Variants in GPHN observed in about 807,000 individuals in gnomAD.
GPHN encodes gephyrin.
In GPHN, 17 loss-of-function variants were observed where a neutral mutation model predicts 95.5. That is an observed-to-expected ratio of 0.18 (90% CI 0.12 to 0.27). The LOEUF is 0.27. GPHN is among the 10% of genes least tolerant of loss of function. The pLI is 1.00. For synonymous variants in GPHN, 320 were observed against 322.5 expected, an observed-to-expected ratio of 0.99 and a Z score of 0.08; for missense variants, 660 against 978.1, an observed-to-expected ratio of 0.67 and a Z score of 4.34.
At chr14:67,605,881 C>T in the GPHN span, among the ~76,000 whole-genome samples, 4 of 151,964 alleles carry the variant, frequency 2.6e-5, no homozygotes, top group African/African-American at 9.7e-5. Flanking sequence ...CGAGGTTTTA[C>T]CATGTTGCCC....
At chr14:67,160,332 AT>A (rs902738606) in intron 19 of GPHN, among the ~76,000 whole-genome samples, 5 of 149,872 alleles carry the variant, frequency 3.3e-5, no homozygotes, top group African/African-American at 9.8e-5. Flanking sequence ...TTCAGGTTTA[AT>A]TTTTTTTTTC....
intron 21 of GPHN, among the ~76,000 whole-genome samples, chr14:67,171,122 G>A (rs560822802): frequency 6.6e-6 from 1 of 152,176 alleles, no homozygotes; most frequent in East Asian, 1.9e-4. Context: ...GCTCAGGCAG[G>A]AGGATTGCAT....
the GPHN span, among the ~76,000 whole-genome samples, chr14:67,190,958 G>A: frequency 2.0e-5 from 3 of 152,226 alleles, no homozygotes; most frequent in South Asian, 6.2e-4. Flanking sequence ...ATGTAGCCAG[G>A]TGCAGTGGCT....
the GPHN span, among the ~76,000 whole-genome samples, chr14:67,524,815 A>G: frequency 1.3e-5 from 2 of 152,132 alleles, no homozygotes; most frequent in African/African-American, 4.8e-5. Flanking sequence ...ATATCAAAAG[A>G]TGTGAGGCCC....
intron 2 of GPHN, among the ~76,000 whole-genome samples, chr14:66,712,270 A>C (rs2153422783): frequency 6.6e-6 from 1 of 152,268 alleles, no homozygotes; most frequent in East Asian, 1.9e-4. Context: ...CTGACTTTTT[A>C]ATGATCGCCA....
chr14:67,345,782 G>C, the GPHN span: 4 of 1,613,152 alleles, frequency 2.5e-6, no homozygotes, highest in Non-Finnish European at 3.4e-6. Context: ...AGAGAAGCTA[G>C]TTCCACCAGT....
At chr14:67,246,854 G>T in the GPHN span, among the ~76,000 whole-genome samples, 1 of 152,022 alleles carries the variant, frequency 6.6e-6, no homozygotes, top group African/African-American at 2.4e-5. Context: ...GTTTCACCGT[G>T]TTGGCCAGGA....
chr14:66,957,656 G>C (rs2068618183), intron 8 of GPHN, among the ~76,000 whole-genome samples: 1 of 152,044 alleles, frequency 6.6e-6, no homozygotes, highest in Non-Finnish European at 1.5e-5. Flanking sequence ...TATTCTGCTG[G>C]TATCAGATAC....
At chr14:67,143,787 T>G (rs552214217) in intron 18 of GPHN, among the ~76,000 whole-genome samples, 1 of 152,182 alleles carries the variant, frequency 6.6e-6, no homozygotes, top group Non-Finnish European at 1.5e-5. Context: ...GATCCTTCCT[T>G]CTACTCAAAT....
the GPHN span, chr14:67,392,763 C>G: frequency 1.2e-6 from 2 of 1,614,052 alleles, no homozygotes; most frequent in Non-Finnish European, 1.7e-6. Context: ...AGGAAGTTCT[C>G]CTCCATGAGC....
intron 8 of GPHN, among the ~76,000 whole-genome samples, chr14:66,958,097 A>G (rs1040914212): frequency 1.2e-4 from 18 of 152,168 alleles, no homozygotes; most frequent in African/African-American, 3.9e-4. Context: ...ACTATTATTA[A>G]AAGTGGAATA....
chr14:66,898,837 C>G (rs1376567527), intron 5 of GPHN, among the ~76,000 whole-genome samples: 2 of 151,884 alleles, frequency 1.3e-5, no homozygotes, highest in Non-Finnish European at 2.9e-5. Flanking sequence ...GACATCTTTT[C>G]CATGTTGAGC....
In GPHN at chr14:67,122,322, G is replaced by A; in HGVS notation, c.1693G>A (p.Ala565Thr). 1 of 1,613,038 alleles carries A rather than the reference G, an allele frequency of 6.2e-7. No individual in the cohort carries two copies. Among genetic ancestry groups the A allele is most frequent in the South Asian group, 1.1e-5 (1 of 91,040 alleles). Residue 565 changes from alanine (A) to threonine (T), a missense_variant, in exon 17 of 23, where the codon GCA becomes ACA. Transcript: ENST00000478722. Reference protein sequence around the residue: ...IRDSNRSTLLATIQEHGYPTI... With the variant: ...IRDSNRSTLLTTIQEHGYPTI... ...AGACAGCAATCGTTCAACTCTTCTA[G>A]CAACAATTCAGGAACATGGTTACCC...
chr14:66,816,330 G>C (rs929855407), intron 3 of GPHN, among the ~76,000 whole-genome samples: 2 of 152,018 alleles, frequency 1.3e-5, no homozygotes, highest in African/African-American at 2.4e-5. Flanking sequence ...AACTCTCCAC[G>C]TAAAAACAAC....
At chr14:67,671,558 G>T in the GPHN span, among the ~76,000 whole-genome samples, 1 of 152,182 alleles carries the variant, frequency 6.6e-6, no homozygotes, top group African/African-American at 2.4e-5. Flanking sequence ...AAAAAGAAAA[G>T]AAATTCACAT....
chr14:66,950,577 A>G (rs1214261796), intron 8 of GPHN, among the ~76,000 whole-genome samples: 1 of 152,156 alleles, frequency 6.6e-6, no homozygotes, highest in Non-Finnish European at 1.5e-5. Flanking sequence ...CTTCCTTATT[A>G]TTAGATATCA....
At chr14:66,843,678 T>C (rs1460720681) in intron 4 of GPHN, among the ~76,000 whole-genome samples, 2 of 152,352 alleles carry the variant, frequency 1.3e-5, no homozygotes, top group Non-Finnish European at 2.9e-5. Flanking sequence ...AATAAAAGTT[T>C]TGCCTACATA....
chr14:67,195,285 G>T, the GPHN span, among the ~76,000 whole-genome samples: 1 of 152,122 alleles, frequency 6.6e-6, no homozygotes, highest in Non-Finnish European at 1.5e-5. Flanking sequence ...AAATATCCTT[G>T]AATTCCTTCC....
the GPHN span, chr14:67,208,532 G>A: frequency 7.2e-7 from 1 of 1,387,072 alleles, no homozygotes; most frequent in Non-Finnish European, 9.7e-7. Flanking sequence ...TCTTAACTCA[G>A]GCATCTGCCA....
Sources: gnomAD v4.1 joint callset for allele counts (sites outside exome capture counted in the v4.1 genomes callset) on GRCh38, gnomAD v4.1.1 for gene constraint, MANE v1.5 for transcripts, NCBI Gene and HGNC (gene_info 2026-07-23, HGNC 2026-07-21) for gene names.